TAPT1: variants seen among roughly 807,000 people sequenced by gnomAD.
TAPT1 encodes transmembrane anterior posterior transformation 1.
TAPT1 carries 28 observed loss-of-function variants against 65.6 expected under a neutral mutation model. The ratio of observed to expected loss-of-function variants is 0.43; its 90% CI spans 0.32 to 0.59. The LOEUF is 0.59. TAPT1 is among the 20% of genes least tolerant of loss of function. The pLI is 0.09. For synonymous variants in TAPT1, 278 were observed against 245.2 expected, an observed-to-expected ratio of 1.13 and a Z score of -1.25; for missense variants, 563 against 679.9, an observed-to-expected ratio of 0.83 and a Z score of 1.91.
intron 3 of TAPT1, among the ~76,000 whole-genome samples, chr4:16,199,000 A>G (rs764406327): frequency 2.0e-5 from 3 of 152,174 alleles, no homozygotes; most frequent in Non-Finnish European, 4.4e-5. Flanking sequence ...AGCACAAATT[A>G]CTCAATTTTG....
intron 13 of TAPT1, among the ~76,000 whole-genome samples, chr4:16,164,657 C>T (rs1747465704): frequency 6.6e-6 from 1 of 152,138 alleles, no homozygotes; most frequent in South Asian, 2.1e-4. Flanking sequence ...TCTCGAACTC[C>T]TGGGCTCAAG....
upstream of TAPT1, chr4:16,226,996 C>T (rs1333663071): frequency 2.2e-6 from 1 of 451,380 alleles, no homozygotes; most frequent in Admixed American, 2.4e-5. Flanking sequence ...GGCGCGGCCG[C>T]GGCGGCGGGG....
Position 16,163,265 on chromosome 4 carries a change from G to T in TAPT1, c.*43C>A. The stretch of plus-strand genomic sequence containing the variant: ...TATTTGTCCTGGCAACACAGCACTT[G>T]TTGCCCCAGGACCCAGCTTCTTCAG... On this transcript the variant is annotated 3_prime_UTR_variant, in exon 14 of 14. Coordinates refer to ENST00000405303, the MANE Select transcript of TAPT1 (RefSeq NM_153365.3). 6.9e-7 allele frequency: 1 copy of T among 1,441,858 alleles called. No homozygotes were observed. Among genetic ancestry groups the T allele is most frequent in the Non-Finnish European group, 9.8e-7 (1 of 1,023,950 alleles). The allele number at this position is 1,441,858 out of a possible 1,614,324, so 89.3% of individuals were successfully genotyped here.
chr4:16,174,328 A>G, intron 10 of TAPT1, 56 bp from the exon 11 acceptor site: 1 of 1,450,654 alleles, frequency 6.9e-7, no homozygotes, highest in Non-Finnish European at 9.5e-7. Flanking sequence ...CAGCATTTTA[A>G]AAGTACTATT....
intron 3 of TAPT1, among the ~76,000 whole-genome samples, chr4:16,197,116 A>G (rs1345016259): frequency 6.6e-6 from 1 of 152,202 alleles, no homozygotes; most frequent in Non-Finnish European, 1.5e-5. Flanking sequence ...CAAGCATCTG[A>G]AATTCATAAT....
chr4:16,166,880 G>A, intron 12 of TAPT1, 87 bp from the exon 13 acceptor site: 1 of 1,361,628 alleles, frequency 7.3e-7, no homozygotes. Context: ...TAAGGAGAAG[G>A]TGGGGGGGCA....
chr4:16,197,363 C>T (rs371430184), intron 3 of TAPT1, among the ~76,000 whole-genome samples: 1 of 152,204 alleles, frequency 6.6e-6, no homozygotes, highest in Non-Finnish European at 1.5e-5. Flanking sequence ...GTATCACTTT[C>T]TAAAATGTTT....
In TAPT1 at chr4:16,166,991, C is replaced by CTTTT. The variant is rs5856341; in HGVS notation, c.1314-202_1314-199dup. ...AAAAACTTCGGAATTCCTTAGTTCT[C>CTTTT]TTTTTTTTTTTTTTTTTTTTTGAGA... On this transcript the variant is annotated intron_variant, in intron 12 of 13. Transcript: ENST00000405303. 640 of 160,338 alleles carry CTTTT rather than the reference C, an allele frequency of 4.0e-3. 7 individuals are homozygous for CTTTT. The highest frequency in any genetic ancestry group is 8.8e-3 in the African/African-American group (226 of 25,780). 9.9% of individuals were successfully genotyped at this position (160,338 alleles called of 1,614,324 possible).
chr4:16,210,887 C>T (rs1253886983), intron 2 of TAPT1, among the ~76,000 whole-genome samples: 1 of 152,070 alleles, frequency 6.6e-6, no homozygotes, highest in African/African-American at 2.4e-5. Flanking sequence ...TAAAACACTC[C>T]AAAATTATAT....
At chr4:16,204,557 A>C (rs1750232240) in intron 2 of TAPT1, among the ~76,000 whole-genome samples, 1 of 152,274 alleles carries the variant, frequency 6.6e-6, no homozygotes, top group Non-Finnish European at 1.5e-5. Flanking sequence ...AAGTGAAAAC[A>C]ATAAAAGGAC....
intron 11 of TAPT1, 94 bp from the exon 12 acceptor site, chr4:16,170,823 G>C: frequency 1.1e-6 from 1 of 934,446 alleles, no homozygotes. Flanking sequence ...TCTCCATGCT[G>C]ACTTTAACAT....
chr4:16,211,379 A>C (rs749745109), intron 2 of TAPT1, among the ~76,000 whole-genome samples: 1 of 152,208 alleles, frequency 6.6e-6, no homozygotes, highest in Non-Finnish European at 1.5e-5. Flanking sequence ...TAAAAAATAA[A>C]GGCCTTAAAG....
chr4:16,217,897 C>T (rs1329979613), intron 1 of TAPT1, among the ~76,000 whole-genome samples: 1 of 152,118 alleles, frequency 6.6e-6, no homozygotes, highest in African/African-American at 2.4e-5. Context: ...CCAACGGGTA[C>T]CTGAACCTCA....
At chr4:16,200,026 C>T (rs923507480) in intron 3 of TAPT1, among the ~76,000 whole-genome samples, 28 of 152,134 alleles carry the variant, frequency 1.8e-4, no homozygotes, top group Non-Finnish European at 2.9e-4. Flanking sequence ...CAACTGTCCC[C>T]GAAGAGAGAC....
chr4:16,179,566 G>A lies in TAPT1; in HGVS notation c.997+11C>T, dbSNP rs1748579294. ...AAATTATAAGACACTGTTTTGTTAA[G>A]AGTGAGTTACCTGGATTCCAAGAAA... On this transcript the variant is annotated intron_variant, in intron 8 of 13. Coordinates refer to ENST00000405303, the MANE Select transcript of TAPT1 (RefSeq NM_153365.3). 6.7e-7 allele frequency: 1 copy of A among 1,491,280 alleles called. No homozygotes were observed. The highest frequency in any genetic ancestry group is 9.0e-7 in the Non-Finnish European group (1 of 1,109,588). The allele number at this position is 1,491,280 out of a possible 1,614,324, so 92.4% of individuals were successfully genotyped here.
At chr4:16,206,853 C>T (rs1450287401) in intron 2 of TAPT1, among the ~76,000 whole-genome samples, 2 of 152,174 alleles carry the variant, frequency 1.3e-5, no homozygotes, top group Non-Finnish European at 2.9e-5. Context: ...AATAAATGTG[C>T]TAGAGGCCTA....
intron 12 of TAPT1, among the ~76,000 whole-genome samples, chr4:16,169,972 T>G (rs1208436542): frequency 1.3e-5 from 2 of 152,208 alleles, no homozygotes; most frequent in Non-Finnish European, 2.9e-5. Context: ...AAGCTCCTGA[T>G]GCACACCACC....
intron 2 of TAPT1, among the ~76,000 whole-genome samples, chr4:16,204,057 A>G (rs1201742240): frequency 1.3e-5 from 2 of 152,198 alleles, no homozygotes; most frequent in Non-Finnish European, 2.9e-5. Flanking sequence ...GTACAGCAGG[A>G]GGCTGAGCAA....
At chr4:16,193,443 C>G (rs935638021) in intron 3 of TAPT1, among the ~76,000 whole-genome samples, 24 of 152,186 alleles carry the variant, frequency 1.6e-4, no homozygotes, top group African/African-American at 5.6e-4. Flanking sequence ...CTTTCTCCCA[C>G]AGAGAGAAAG....
Sources: gnomAD v4.1 joint callset for allele counts (sites outside exome capture counted in the v4.1 genomes callset) on GRCh38, gnomAD v4.1.1 for gene constraint, MANE v1.5 for transcripts, NCBI Gene and HGNC (gene_info 2026-07-23, HGNC 2026-07-21) for gene names.